The following LYPLAL1 variants were observed in gnomAD, a reference collection of about 807,000 sequenced individuals.
LYPLAL1 encodes the protein lysophospholipase-like protein 1.
Under a neutral mutation model 19.7 loss-of-function variants are expected in LYPLAL1, and 23 were observed. That is an observed-to-expected ratio of 1.17 (90% CI 0.84 to 1.65). LYPLAL1 has a LOEUF of 1.65. LYPLAL1 is among the 40% of genes most tolerant of loss of function. The probability of loss-of-function intolerance (pLI) is 0.00; values close to 1 mark genes in which losing one functional copy is unlikely to be tolerated. For synonymous variants in LYPLAL1, 119 were observed against 96.3 expected (o/e 1.24, Z -1.38); for missense variants, 355 against 279.4 (o/e 1.27, Z -1.93).
the LYPLAL1 span, among the ~76,000 whole-genome samples, chr1:219,348,701 C>G: frequency 1.3e-5 from 2 of 152,042 alleles, no homozygotes; most frequent in African/African-American, 4.8e-5. Flanking sequence ...TCAGAAGAGC[C>G]AGAGAGTGTG....
At chr1:219,237,681 A>G in the LYPLAL1 span, among the ~76,000 whole-genome samples, 5 of 151,868 alleles carry the variant, frequency 3.3e-5, no homozygotes, top group Non-Finnish European at 7.4e-5. Context: ...TCAAATTTCA[A>G]CTTAGACTTC....
chr1:219,219,453 A>G, the LYPLAL1 span, among the ~76,000 whole-genome samples: 5 of 152,210 alleles, frequency 3.3e-5, no homozygotes, highest in Admixed American at 2.6e-4. Context: ...CACCTCAAAC[A>G]GGACCAATAT....
At chr1:219,206,479 C>T (rs755630608) in intron 3 of LYPLAL1, among the ~76,000 whole-genome samples, 7 of 152,030 alleles carry the variant, frequency 4.6e-5, no homozygotes, top group Non-Finnish European at 8.8e-5. Context: ...TCCCTTTTCA[C>T]AGTAGTGTCC....
the LYPLAL1 span, among the ~76,000 whole-genome samples, chr1:219,252,428 G>A: frequency 2.0e-5 from 3 of 152,068 alleles, no homozygotes; most frequent in South Asian, 2.1e-4. Context: ...TGTCATAGAT[G>A]GCTCTTATTA....
the LYPLAL1 span, among the ~76,000 whole-genome samples, chr1:219,371,192 A>G: frequency 6.6e-6 from 1 of 152,186 alleles, no homozygotes; most frequent in Admixed American, 6.5e-5. Flanking sequence ...AACTGTGGGT[A>G]TGCATTCCTT....
chr1:219,428,295 A>C, the LYPLAL1 span, among the ~76,000 whole-genome samples: 1 of 152,210 alleles, frequency 6.6e-6, no homozygotes, highest in Non-Finnish European at 1.5e-5. Flanking sequence ...AGTCTCTCAC[A>C]CAGATTCTAG....
intron 3 of LYPLAL1, among the ~76,000 whole-genome samples, chr1:219,209,969 C>T (rs1027238972): frequency 2.0e-5 from 3 of 152,044 alleles, no homozygotes; most frequent in African/African-American, 7.2e-5. Flanking sequence ...ATACATGTTT[C>T]ATTTTTATTA....
chr1:219,198,436 T>G (rs2125081286), intron 3 of LYPLAL1: 1 of 151,928 alleles, frequency 6.6e-6, no homozygotes, highest in Admixed American at 6.5e-5. Flanking sequence ...GAATTAATTT[T>G]GACATAAAAA....
chr1:219,328,188 A>G, the LYPLAL1 span, among the ~76,000 whole-genome samples: 1 of 152,084 alleles, frequency 6.6e-6, no homozygotes, highest in Non-Finnish European at 1.5e-5. Context: ...TCTTTCTTAC[A>G]TGAAAACTGA....
At chr1:219,185,760 C>T (rs1656672425) in intron 2 of LYPLAL1, among the ~76,000 whole-genome samples, 1 of 151,918 alleles carries the variant, frequency 6.6e-6, no homozygotes, top group Admixed American at 6.6e-5. Context: ...TGGGACCTGC[C>T]TTTGGTCTTA....
chr1:219,431,041 A>C, the LYPLAL1 span, among the ~76,000 whole-genome samples: 3 of 152,106 alleles, frequency 2.0e-5, no homozygotes, highest in African/African-American at 7.2e-5. Flanking sequence ...TCTTTAAGAG[A>C]TACTTAAAGA....
downstream of LYPLAL1, among the ~76,000 whole-genome samples, chr1:219,214,283 G>C (rs1475788652): frequency 6.6e-6 from 1 of 151,994 alleles, no homozygotes; most frequent in Non-Finnish European, 1.5e-5. Context: ...CTAATATTTT[G>C]TTAAGGATGT....
chr1:219,412,063 T>G, the LYPLAL1 span: 2 of 152,274 alleles, frequency 1.3e-5, no homozygotes, highest in East Asian at 1.9e-4. Context: ...TGTTGTCGTT[T>G]TAAGAGACAA....
chr1:219,414,374 C>T, the LYPLAL1 span, among the ~76,000 whole-genome samples: 1 of 152,176 alleles, frequency 6.6e-6, no homozygotes, highest in Admixed American at 6.5e-5. Flanking sequence ...AGCTTTAGCA[C>T]ACTGACTGGC....
the LYPLAL1 span, among the ~76,000 whole-genome samples, chr1:219,432,806 C>G: frequency 6.6e-6 from 1 of 152,322 alleles, no homozygotes; most frequent in South Asian, 2.1e-4. Context: ...TTAATCAAAT[C>G]CCAGTGAGAA....
Position 219,211,665 on chromosome 1 carries a change from G to A in LYPLAL1, c.651G>A (p.Glu217=), listed in dbSNP as rs186780353. ...TTTACCATGAGCTAAGCAAAACTGA[G>A]TTAGACATATTGAAGTTATGGATTC... ...PNVYHELSKT[E]LDILKLWILT... is the part of the protein sequence containing the mutation. Residue 217 remains glutamate (E), a synonymous_variant, in exon 5 of 5, where the codon GAG becomes GAA. Coordinates refer to ENST00000366928, the MANE Select transcript of LYPLAL1 (RefSeq NM_138794.5). 1.5e-4 allele frequency: 243 copies of A among 1,613,240 alleles called. No individual in the cohort carries two copies. The highest frequency in any genetic ancestry group is 2.0e-4 in the Non-Finnish European group (234 of 1,179,510).
the LYPLAL1 span, among the ~76,000 whole-genome samples, chr1:219,438,149 C>T: frequency 2.6e-5 from 4 of 152,154 alleles, no homozygotes; most frequent in Non-Finnish European, 2.9e-5. Flanking sequence ...AATTTAATTA[C>T]CCTTTACTTC....
chr1:219,300,842 A>T, the LYPLAL1 span, among the ~76,000 whole-genome samples: 1 of 152,034 alleles, frequency 6.6e-6, no homozygotes, highest in Non-Finnish European at 1.5e-5. Flanking sequence ...GCCTATCCTA[A>T]CATTTCCTAA....
At chr1:219,218,886 C>T in the LYPLAL1 span, among the ~76,000 whole-genome samples, 3 of 152,136 alleles carry the variant, frequency 2.0e-5, no homozygotes, top group African/African-American at 7.2e-5. Context: ...AACTGTGCCT[C>T]CCGGGGTCCT....
Sources: gnomAD v4.1 joint callset for allele counts (sites outside exome capture counted in the v4.1 genomes callset) on GRCh38, gnomAD v4.1.1 for gene constraint, MANE v1.5 for transcripts, NCBI Gene and HGNC (gene_info 2026-07-23, HGNC 2026-07-21) for gene names.